KLF8: variants seen among roughly 807,000 people sequenced by gnomAD.
KLF8 encodes Krueppel-like factor 8.
A neutral mutation model predicts 18.2 loss-of-function variants in KLF8; 10 were observed. The observed-to-expected ratio is 0.55, with a 90% CI of 0.34 to 0.93. KLF8 has a LOEUF of 0.93. KLF8 is among the 40% of genes least tolerant of loss of function. The probability of loss-of-function intolerance (pLI) is 0.02; values close to 1 mark genes in which losing one functional copy is unlikely to be tolerated. For synonymous variants in KLF8, 109 were observed against 97.3 expected (o/e 1.12, Z -0.71); for missense variants, 264 against 277.9 (o/e 0.95, Z 0.36).
At chrX:55,984,834 T>C in the KLF8 span, among the ~76,000 whole-genome samples, 9 of 111,688 alleles carry the variant, frequency 8.1e-5, no homozygotes, top group South Asian at 3.4e-3. Flanking sequence ...TGAGATGGTA[T>C]CTCACTGTAG....
chrX:56,252,086 C>G (rs761911100), intron 2 of KLF8, among the ~76,000 whole-genome samples: 2 of 110,895 alleles, frequency 1.8e-5, no homozygotes, highest in Admixed American at 9.6e-5. Flanking sequence ...CTTCTCAGCT[C>G]ACTGCAACCT....
At chrX:56,148,231 C>T in the KLF8 span, among the ~76,000 whole-genome samples, 1 of 111,314 alleles carries the variant, frequency 9.0e-6, no homozygotes, top group African/African-American at 3.3e-5. Context: ...TAATTTAAAA[C>T]CCTACATAAT....
chrX:56,144,677 C>T, the KLF8 span, among the ~76,000 whole-genome samples: 21 of 102,481 alleles, frequency 2.0e-4, no homozygotes, highest in East Asian at 6.5e-4. Context: ...CGCTTGAACC[C>T]GGGAGGTGGA....
chrX:56,182,583 C>T, the KLF8 span, among the ~76,000 whole-genome samples: 1 of 112,309 alleles, frequency 8.9e-6, no homozygotes, highest in South Asian at 3.7e-4. Context: ...GTTCTGTTTT[C>T]TCCCCATCTT....
chrX:56,163,211 C>T, the KLF8 span, among the ~76,000 whole-genome samples: 1 of 112,028 alleles, frequency 8.9e-6, no homozygotes, highest in Non-Finnish European at 1.9e-5. Context: ...ACCCCACCAA[C>T]AGTGTAGAAG....
the KLF8 span, among the ~76,000 whole-genome samples, chrX:56,197,354 A>G: frequency 9.0e-6 from 1 of 111,476 alleles, no homozygotes; most frequent in Non-Finnish European, 1.9e-5. Context: ...AGCAAGACTA[A>G]TAAAAAAGAC....
At chrX:55,953,451 AT>A in the KLF8 span, among the ~76,000 whole-genome samples, 52,543 of 103,703 alleles carry the variant, frequency 0.51, 12,133 homozygotes, top group East Asian at 0.75. Context: ...TCCCAGGTGG[AT>A]TTTTTTTTTT....
chrX:56,050,590 C>G, the KLF8 span, among the ~76,000 whole-genome samples: 1 of 112,252 alleles, frequency 8.9e-6, no homozygotes, highest in African/African-American at 3.2e-5. Context: ...CAGTGAGATT[C>G]TTAATCCTGA....
At chrX:56,193,107 T>G in the KLF8 span, among the ~76,000 whole-genome samples, 1 of 112,115 alleles carries the variant, frequency 8.9e-6, no homozygotes, top group Admixed American at 9.5e-5. Context: ...TGTAAGGGAC[T>G]CAAACAACTC....
At chrX:56,247,907 CAT>C (rs1352766893) in intron 1 of KLF8, among the ~76,000 whole-genome samples, 4 of 111,220 alleles carry the variant, frequency 3.6e-5, no homozygotes, top group Admixed American at 1.9e-4. Flanking sequence ...AAAACAATAA[CAT>C]AGTCATTTGT....
At chrX:56,136,221 G>T in the KLF8 span, among the ~76,000 whole-genome samples, 1 of 111,614 alleles carries the variant, frequency 9.0e-6, no homozygotes, top group Non-Finnish European at 1.9e-5. Context: ...AGCTACCAAT[G>T]CCTTTCTTCA....
At chrX:55,972,895 C>A in the KLF8 span, among the ~76,000 whole-genome samples, 2 of 111,953 alleles carry the variant, frequency 1.8e-5, no homozygotes, top group African/African-American at 6.5e-5. Context: ...CAACAAAGAA[C>A]CTGAATAGCC....
At chrX:56,134,604 G>C in the KLF8 span, among the ~76,000 whole-genome samples, 2 of 111,422 alleles carry the variant, frequency 1.8e-5, no homozygotes, top group African/African-American at 6.5e-5. Context: ...CTTGGGCAAA[G>C]ACTTCATGAC....
At chrX:56,128,569 C>T in the KLF8 span, among the ~76,000 whole-genome samples, 1 of 111,452 alleles carries the variant, frequency 9.0e-6, no homozygotes, top group African/African-American at 3.3e-5. Flanking sequence ...AGAAGTATGT[C>T]CATATTTGAC....
the KLF8 span, among the ~76,000 whole-genome samples, chrX:56,100,059 C>T: frequency 1.8e-5 from 2 of 110,988 alleles, no homozygotes; most frequent in Admixed American, 1.9e-4. Context: ...CAATGCCTGG[C>T]TTCAAAGCTT....
chrX:56,195,864 T>C, the KLF8 span, among the ~76,000 whole-genome samples: 1 of 111,325 alleles, frequency 9.0e-6, no homozygotes, highest in Admixed American at 9.6e-5. Context: ...AGAAAACCCA[T>C]CAGATTAACA....
At chrX:55,961,399 G>A in the KLF8 span, 3 of 502,132 alleles carry the variant, frequency 6.0e-6, no homozygotes, top group Non-Finnish European at 7.5e-6. Context: ...GGGAGTTTGT[G>A]TCTACTGGGA....
the KLF8 span, among the ~76,000 whole-genome samples, chrX:56,182,734 C>T: frequency 8.9e-6 from 1 of 112,493 alleles, no homozygotes; most frequent in African/African-American, 3.2e-5. Context: ...TAGGAGGTCC[C>T]CTCCAGACCC....
the KLF8 span, among the ~76,000 whole-genome samples, chrX:55,990,139 C>G: frequency 9.0e-6 from 1 of 111,541 alleles, no homozygotes; most frequent in African/African-American, 3.3e-5. Context: ...TTTTGTTGAT[C>G]TTTTCAAAAA....
Sources: allele counts gnomAD v4.1 joint callset (sites outside exome capture counted in the v4.1 genomes callset), GRCh38; gene constraint gnomAD v4.1.1; transcripts MANE v1.5; gene names NCBI Gene and HGNC (gene_info 2026-07-23, HGNC 2026-07-21).